The following SLC12A4 variants were observed in gnomAD, a reference collection of about 807,000 sequenced individuals.
SLC12A4 encodes solute carrier family 12 member 4, also known as electroneutral potassium-chloride cotransporter 1.
In SLC12A4, 84 loss-of-function variants were observed where a neutral mutation model predicts 119.2. That is an observed-to-expected ratio of 0.70 (90% confidence interval 0.59 to 0.85). The LOEUF (loss-of-function observed/expected upper bound fraction) is 0.85, where lower values mean the gene tolerates loss of function less well. SLC12A4 is among the 40% of genes least tolerant of loss of function. The pLI is 0.00. For synonymous variants in SLC12A4, 599 were observed against 604.6 expected, an observed-to-expected ratio of 0.99 and a Z score of 0.14; for missense variants, 1,298 against 1,476.3, an observed-to-expected ratio of 0.88 and a Z score of 1.98.
At position 67,946,971 on chromosome 16, in the gene SLC12A4, A is replaced by G; in HGVS notation, c.2207T>C (p.Leu736Ser). ...GGCCTGAGCCTCGCCATAGCTCTCC[A>G]AGAAGCTCCCCTGGATGACAGAACC... The part of the protein sequence containing the change: ...IVGSVIQGSF[L>S]ESYGEAQAAE... Residue 736 changes from leucine (L) to serine (S), a missense_variant, in exon 17 of 24, where the codon TTG becomes TCG. Transcript: ENST00000316341. 6.2e-7 allele frequency: 1 copy of G among 1,613,238 alleles called. No homozygotes were observed. Among genetic ancestry groups the G allele is most frequent in the Non-Finnish European group, 8.5e-7 (1 of 1,179,992 alleles).
chr16:67,944,356 A>G lies in SLC12A4; in HGVS notation c.*484T>C. ...AGAACTACACAATGTTTTATTGAAA[A>G]AGTCAGGCCTCAGCTCAGCTGTCTC... is the stretch of plus-strand genomic sequence containing the variant. On this transcript the variant is annotated 3_prime_UTR_variant, in exon 24 of 24. Coordinates refer to ENST00000316341, the MANE Select transcript of SLC12A4 (RefSeq NM_005072.5). The surrounding 1 kb of genome is among the most constrained non-coding windows in gnomAD (Gnocchi z 6.6). The G allele has an allele frequency of 7.4e-7, 1 of 1,357,282 alleles. No individual in the cohort carries two copies. The highest frequency in any genetic ancestry group is 2.0e-5 in the South Asian group (1 of 50,686). 84.1% of individuals were successfully genotyped at this position (1,357,282 alleles called of 1,614,324 possible). A position where few individuals can be genotyped will look rare whatever the true frequency, so the allele number is the denominator to read the frequency against.
chr16:67,950,428 A>G lies in SLC12A4; in HGVS notation c.1520T>C (p.Ile507Thr), dbSNP rs1383332902. ...GTLAWPSPWV[I>T]VIGSFFSTCG... ...CGTTGAAAAGAAGGAGCCGATGACGATGACCCAGGGTGAAGGCCAGGCCAG... is the reference window on the plus strand; with the variant it reads ...CGTTGAAAAGAAGGAGCCGATGACGGTGACCCAGGGTGAAGGCCAGGCCAG... The change falls in exon 12 of 24, where the codon ATC becomes ACC. Residue 507 changes from isoleucine to threonine, a missense_variant. Transcript: ENST00000316341. The surrounding 1 kb of genome is among the most constrained non-coding windows in gnomAD (Gnocchi z 4.3). The G allele has an allele frequency of 5.0e-6, 8 of 1,614,022 alleles. No individual in the cohort carries two copies. Among genetic ancestry groups the G allele is most frequent in the Non-Finnish European group, 6.8e-6 (8 of 1,180,024 alleles).
chr16:67,947,724 C>A lies in SLC12A4; in HGVS notation c.1912G>T (p.Ala638Ser). 1 of 1,600,488 alleles carries A rather than the reference C, an allele frequency of 6.2e-7. No individual in the cohort carries two copies. Among genetic ancestry groups the A allele is most frequent in the Non-Finnish European group, 8.5e-7 (1 of 1,173,810 alleles). The stretch of plus-strand genomic sequence containing the variant: ...CCGGCGATGAGCATGGCCACCAGGG[C>A]ATAGTACCAGGAGGAGACAAACATA... ...ALMFVSSWYYALVAMLIAGMI... is the reference protein window; with the variant it reads ...ALMFVSSWYYSLVAMLIAGMI... Residue 638 changes from alanine (A) to serine (S), a missense_variant, in exon 15 of 24, where the codon GCC becomes TCC. Transcript: ENST00000316341.
rs771389032 is a variant in SLC12A4, at chr16:67,951,267, G to A, written c.1170C>T (p.Ile390=). 46 of 1,613,922 alleles carry A rather than the reference G, an allele frequency of 2.9e-5. No individual in the cohort carries two copies. The highest frequency in any genetic ancestry group is 3.3e-4 in the Middle Eastern group (2 of 6,084). The change falls in exon 9 of 24, where the codon ATC becomes ATT. Residue 390 remains isoleucine (I), a synonymous_variant. Transcript: ENST00000316341. This position sits in a 1 kb window ranked among gnomAD's most constrained non-coding sequence, Gnocchi z 5.2. ...LWSAYLEKGD[I]VEKHGLPSAD... The stretch of plus-strand genomic sequence containing the variant: ...CGGAGGGCAGCCCATGCTTCTCCAC[G>A]ATGTCACCCTTCTCCAGGTAGGCGC...
In SLC12A4 at chr16:67,952,306, C is replaced by G; in HGVS notation, c.795G>C (p.Val265=). The change falls in exon 7 of 24, where the codon GTG becomes GTC. Residue 265 remains valine (V), a synonymous_variant. Transcript: ENST00000316341. ...TCACATACTTGACCCCCACAAACAC[C>G]ACCAGGGTCATGAAGGTCAGGAAAA... ...GTIFLTFMTL[V]VFVGVKYVNK... 1.2e-6 allele frequency: 2 copies of G among 1,614,170 alleles called. No homozygotes were observed. Among genetic ancestry groups the G allele is most frequent in the Non-Finnish European group, 1.7e-6 (2 of 1,180,028 alleles).
In SLC12A4 at chr16:67,944,223, G is replaced by C; in HGVS notation, c.*617C>G. The C allele has an allele frequency of 6.9e-7, 1 of 1,453,802 alleles. No individual in the cohort carries two copies. The allele number at this position is 1,453,802 out of a possible 1,614,324, so 90.1% of individuals were successfully genotyped here. On this transcript the variant is annotated 3_prime_UTR_variant, in exon 24 of 24. Transcript: ENST00000316341. The surrounding 1 kb of genome is among the most constrained non-coding windows in gnomAD (Gnocchi z 6.6). ...CTGGCCAGTGGGGGTTGTGGCCAGA[G>C]ATTGCCGGAAAGGGGCACAGCCTCA...
Position 67,950,022 on chromosome 16 carries a change from C to G in SLC12A4, c.1630-104G>C, listed in dbSNP as rs927522123. 7.9e-6 allele frequency: 7 copies of G among 884,916 alleles called. No individual in the cohort carries two copies. In the African/African-American group the frequency reaches 8.5e-5, roughly 11 times the overall value. 54.8% of individuals were successfully genotyped at this position (884,916 alleles called of 1,614,324 possible). A position where few individuals can be genotyped will look rare whatever the true frequency, so the allele number is the denominator to read the frequency against. On this transcript the variant is annotated intron_variant, in intron 12 of 23. Coordinates refer to ENST00000316341, the MANE Select transcript of SLC12A4 (RefSeq NM_005072.5). This position sits in a 1 kb window ranked among gnomAD's most constrained non-coding sequence, Gnocchi z 4.3. Reference sequence around the variant, plus strand: ...TCACCCCCAGGGCCCGCCTTGGGGGCTCAGGCCGCCCCTGTGTCTATCCCT... The same window carrying G: ...TCACCCCCAGGGCCCGCCTTGGGGGGTCAGGCCGCCCCTGTGTCTATCCCT...
intron 1 of SLC12A4, chr16:67,966,686 C>A: frequency 6.5e-7 from 1 of 1,543,078 alleles, no homozygotes; most frequent in South Asian, 1.2e-5. Context: ...GGAGATAGAT[C>A]TGAGGCTCAC....
Position 67,946,062 on chromosome 16 carries a change from C to T in SLC12A4, c.2628G>A (p.Met876Ile). The change falls in exon 20 of 24, where the codon ATG becomes ATA. Residue 876 changes from methionine (M) to isoleucine (I), a missense_variant. Transcript: ENST00000316341. ...RQHKVWRKCR[M>I]RIFTVAQMDD... ...CCATCTGGGCCACTGTGAAGATGCG[C>T]ATCCGGCACTTCCTCCAGACCTGAG... 1.2e-6 allele frequency: 2 copies of T among 1,613,974 alleles called. No homozygotes were observed. Among genetic ancestry groups the T allele is most frequent in the African/African-American group, 1.3e-5 (1 of 75,066 alleles).
chr16:67,953,768 G>C (rs1373250557), intron 6 of SLC12A4, among the ~76,000 whole-genome samples: 3 of 152,186 alleles, frequency 2.0e-5, no homozygotes, highest in Admixed American at 2.0e-4. Context: ...TCGTTAAATA[G>C]CCAAAGTGGA....
At chr16:67,958,094 C>G in intron 3 of SLC12A4, 50 bp from the exon 4 acceptor site, 1 of 1,584,688 alleles carries the variant, frequency 6.3e-7, no homozygotes, top group South Asian at 1.2e-5. Flanking sequence ...AGGGATGCAC[C>G]ATGGAGAGTC....
rs1158283008 is a variant in SLC12A4 at position 67,945,374 on chromosome 16, A to G, written c.3027T>C (p.Ile1009=). 1 of 1,613,200 alleles carries G rather than the reference A, an allele frequency of 6.2e-7. No homozygotes were observed. Among genetic ancestry groups the G allele is most frequent in the Non-Finnish European group, 8.5e-7 (1 of 1,179,596 alleles). Residue 1009 remains isoleucine, a synonymous_variant, in exon 22 of 24, where the codon ATT becomes ATC. Coordinates refer to ENST00000316341, the MANE Select transcript of SLC12A4 (RefSeq NM_005072.5). ...APDNFRELVH[I]KPDQSNVRRM... ...GCTGTTTTTGCTGCACTCACGGCTT[A>G]ATGTGCACCAGCTCCCGGAAATTGT...
chr16:67,967,493 A>G (rs967574045), intron 1 of SLC12A4, among the ~76,000 whole-genome samples: 6 of 152,170 alleles, frequency 3.9e-5, no homozygotes, highest in African/African-American at 1.4e-4. Context: ...AAGCACAATT[A>G]CACATGCATA....
chr16:67,946,341 C>T lies in SLC12A4; in HGVS notation c.2438-1G>A. The T allele has an allele frequency of 6.2e-7, 1 of 1,608,662 alleles. No individual in the cohort carries two copies. The highest frequency in any genetic ancestry group is 8.5e-7 in the Non-Finnish European group (1 of 1,180,002). ...GCAGCCGTAGTGCAGCGCACGGTGT[C>T]TGGGGAGGAGGAGCACGGCTGACCA... On this transcript the variant is annotated splice_acceptor_variant, in intron 18 of 23. Coordinates refer to ENST00000316341, the MANE Select transcript of SLC12A4 (RefSeq NM_005072.5). LOFTEE classifies it high-confidence loss of function.
In SLC12A4 at chr16:67,950,588, T is replaced by G. The variant is rs929630610; in HGVS notation, c.1454+66A>C. ...GCAGGCTTAGGACCACCCACGGGGT[T>G]GGGAGCTGGTGTGAGGGCAGGCCAA... On this transcript the variant is annotated intron_variant, in intron 11 of 23. Transcript: ENST00000316341. The surrounding 1 kb of genome is among the most constrained non-coding windows in gnomAD (Gnocchi z 4.3). 7.5e-6 allele frequency: 12 copies of G among 1,608,012 alleles called. No individual in the cohort carries two copies. Among genetic ancestry groups the G allele is most frequent in the Non-Finnish European group, 1.0e-5 (12 of 1,176,864 alleles).
chr16:67,963,598 GC>G (rs755302916), intron 1 of SLC12A4, 39 bp from the exon 2 acceptor site: 7 of 1,446,140 alleles, frequency 4.8e-6, no homozygotes, highest in Non-Finnish European at 4.7e-6. Context: ...TGCTTCCTGA[GC>G]CCCCCAGCCT....
At position 67,963,955 on chromosome 16, in the gene SLC12A4, C is replaced by CG. The variant is rs2030731670; in HGVS notation, c.116-397dup. 5 of 1,551,492 alleles carry CG rather than the reference C, an allele frequency of 3.2e-6. No homozygotes were observed. The East Asian group carries it at 9.8e-5, about 30-fold the overall frequency. The stretch of plus-strand genomic sequence containing the variant: ...CCCAATGTGCAGGATGCCAAGGGTT[C>CG]GGTGTCCTCAGGGACCGCCCAGGCA... On this transcript the variant is annotated intron_variant, in intron 1 of 23. Transcript: ENST00000316341.
At position 67,944,865 on chromosome 16, in the gene SLC12A4, C is replaced by A; in HGVS notation, c.3233G>T (p.Arg1078Leu). The stretch of plus-strand genomic sequence containing the variant: ...TCAGGAGTAGATGGTGATGACTTCA[C>A]GGCCACCACCGCGCACCAACAGCAC... ...ERVLLVRGGG[R>L]EVITIYS Residue 1078 changes from arginine (R) to leucine (L), a missense_variant, in exon 24 of 24, where the codon CGT becomes CTT. Physicochemically the swap from Arg to Leu is moderately radical, Grantham distance 102. Transcript: ENST00000316341. This position sits in a 1 kb window ranked among gnomAD's most constrained non-coding sequence, Gnocchi z 6.6. 1 of 1,613,106 alleles carries A rather than the reference C, an allele frequency of 6.2e-7. No individual in the cohort carries two copies. Among genetic ancestry groups the A allele is most frequent in the East Asian group, 2.2e-5 (1 of 44,872 alleles).
At chr16:67,952,073 C>G in intron 7 of SLC12A4, 36 bp from the exon 8 acceptor site, 1 of 1,609,096 alleles carries the variant, frequency 6.2e-7, no homozygotes. Context: ...CTGCTCAGGT[C>G]AAAGCCCCTG....
Sources: gnomAD v4.1 joint callset for allele counts (sites outside exome capture counted in the v4.1 genomes callset) on GRCh38, gnomAD v4.1.1 for gene constraint, Gnocchi (gnomAD v3.1) non-coding constraint, MANE v1.5 for transcripts, NCBI Gene and HGNC (gene_info 2026-07-23, HGNC 2026-07-21) for gene names.